Variants in PUDP observed in about 807,000 individuals in gnomAD.
The protein encoded by PUDP is pseudouridine 5'-phosphatase.
Under a neutral mutation model 9.4 loss-of-function variants are expected in PUDP, and 8 were observed. That is an observed-to-expected ratio of 0.85 (90% CI 0.50 to 1.53). PUDP has a LOEUF of 1.53. Among genes scored for constraint, PUDP ranks in the 40% most tolerant of loss-of-function variants. PUDP has a pLI of 0.00. For missense variants in PUDP, 188 were observed against 189.7 expected, an observed-to-expected ratio of 0.99 and a Z score of 0.05; for synonymous variants, 99 against 80.7, an observed-to-expected ratio of 1.23 and a Z score of -1.22.
intron 3 of PUDP, among the ~76,000 whole-genome samples, chrX:6,866,099 A>C (rs777945246): frequency 9.8e-4 from 107 of 109,479 alleles, no homozygotes; most frequent in Non-Finnish European, 1.4e-3. Context: ...TTTTCTTTTT[A>C]TTTTTGTAGA....
intron 1 of PUDP, among the ~76,000 whole-genome samples, chrX:6,978,414 C>T (rs1388403023): frequency 1.8e-5 from 2 of 111,852 alleles, no homozygotes; most frequent in Non-Finnish European, 1.9e-5. Flanking sequence ...ATTCATTTTT[C>T]CCTGTGCTGT....
intron 1 of PUDP, among the ~76,000 whole-genome samples, chrX:7,008,180 G>A (rs1008529456): frequency 4.5e-4 from 49 of 110,096 alleles, no homozygotes; most frequent in Non-Finnish European, 8.0e-4. Flanking sequence ...TAGCCAGGAT[G>A]GTCTCAATCT....
intron 3 of PUDP, among the ~76,000 whole-genome samples, chrX:6,934,394 C>T (rs1474510775): frequency 1.1e-4 from 12 of 107,250 alleles, no homozygotes; most frequent in African/African-American, 2.1e-4. Flanking sequence ...GCTTCATAAG[C>T]GAAGGAGAAA....
chrX:7,141,842 C>G (rs1170590047), intron 1 of PUDP, among the ~76,000 whole-genome samples: 1 of 112,381 alleles, frequency 8.9e-6, no homozygotes. Flanking sequence ...TCCTAGTGCT[C>G]TTAAAAATGA....
chrX:6,922,373 A>T, intron 3 of PUDP, among the ~76,000 whole-genome samples: 1 of 111,607 alleles, frequency 9.0e-6, no homozygotes, highest in Admixed American at 9.5e-5. Context: ...TACAACATAT[A>T]TGCATCCACT....
intron 1 of PUDP, among the ~76,000 whole-genome samples, chrX:7,000,338 T>C (rs1365842735): frequency 1.8e-5 from 2 of 111,054 alleles, no homozygotes; most frequent in Admixed American, 1.9e-4. Flanking sequence ...CAAACAAACA[T>C]AAACTGAGTC....
At chrX:6,937,434 G>C (rs1292603943) in intron 3 of PUDP, among the ~76,000 whole-genome samples, 7 of 106,297 alleles carry the variant, frequency 6.6e-5, no homozygotes, top group African/African-American at 2.0e-4. Context: ...GCCATATGTA[G>C]AAAGCTGAAA....
intron 3 of PUDP, among the ~76,000 whole-genome samples, chrX:6,822,532 T>C (rs1313211347): frequency 8.9e-6 from 1 of 111,885 alleles, no homozygotes; most frequent in Non-Finnish European, 1.9e-5. Flanking sequence ...GTTCAAGCTA[T>C]TCTTCTGCCT....
At chrX:6,747,799 A>C (rs1925018410) in intron 3 of PUDP, among the ~76,000 whole-genome samples, 1 of 108,373 alleles carries the variant, frequency 9.2e-6, no homozygotes, top group Non-Finnish European at 1.9e-5. Flanking sequence ...TTTTCTCAGT[A>C]ATTGTCCAGA....
intron 2 of PUDP, among the ~76,000 whole-genome samples, chrX:7,097,755 C>G (rs1409852977): frequency 9.0e-6 from 1 of 111,323 alleles, no homozygotes; most frequent in Non-Finnish European, 1.9e-5. Flanking sequence ...TGCCTTCCTG[C>G]CAGATGCTCC....
intron 2 of PUDP, among the ~76,000 whole-genome samples, chrX:7,097,143 T>A (rs1474792789): frequency 8.9e-6 from 1 of 111,822 alleles, no homozygotes; most frequent in Non-Finnish European, 1.9e-5. Context: ...CCATCTCTTC[T>A]AGGCTGCAGG....
chrX:7,098,365 G>A (rs1230202059), intron 2 of PUDP, among the ~76,000 whole-genome samples: 1 of 111,688 alleles, frequency 9.0e-6, no homozygotes, highest in Non-Finnish European at 1.9e-5. Flanking sequence ...GAGGAATGCT[G>A]TATCCTCAGG....
chrX:6,996,204 C>T (rs1482142030), intron 1 of PUDP, among the ~76,000 whole-genome samples: 1 of 112,162 alleles, frequency 8.9e-6, no homozygotes, highest in African/African-American at 3.2e-5. Context: ...CTTTTGCACA[C>T]ATTTGTGTTT....
intron 3 of PUDP, among the ~76,000 whole-genome samples, chrX:6,855,987 TG>T (rs1308879537): frequency 2.7e-5 from 3 of 111,020 alleles, no homozygotes; most frequent in Non-Finnish European, 5.7e-5. Context: ...GGCTAGCAGT[TG>T]GGGGGTGAGC....
intron 3 of PUDP, among the ~76,000 whole-genome samples, chrX:6,773,481 G>A (rs779967029): frequency 1.3e-4 from 15 of 111,799 alleles, no homozygotes; most frequent in South Asian, 3.8e-4. Context: ...ACTAGAGTCC[G>A]TCAGGGTCAT....
chrX:7,116,595 T>C (rs189003643), intron 1 of PUDP, among the ~76,000 whole-genome samples: 1 of 111,893 alleles, frequency 8.9e-6, no homozygotes, highest in African/African-American at 3.2e-5. Context: ...CCTTACCACA[T>C]GCCCTTGCCC....
rs1165718590 is a variant in PUDP at position 6,720,240 on chromosome X, A to ATG, written n.128+1175_128+1176dup. On this transcript the variant is annotated intron_variant and non_coding_transcript_variant, in intron 1 of 2. Coordinates refer to the PUDP transcript ENST00000438499. ...TATATGTGTATATATGTGTGTATATATGTATGTGTGTGTGTGTGTATATAT... is the reference window on the plus strand; with the variant it reads ...TATATGTGTATATATGTGTGTATATATGTGTATGTGTGTGTGTGTGTATATAT... Among the ~76,000 whole-genome samples the ATG allele has an allele frequency of 6.5e-3, 360 of 55,598 alleles. 3 individuals are homozygous for ATG. The highest frequency in any genetic ancestry group is 0.026 in the African/African-American group (339 of 12,997). The allele number at this position is 55,598 out of a possible 115,157, so 48.3% of individuals were successfully genotyped here. A position where few individuals can be genotyped will look rare whatever the true frequency, so the allele number is the denominator to read the frequency against.
chrX:6,988,147 G>A (rs1329463370), intron 1 of PUDP, among the ~76,000 whole-genome samples: 3 of 112,117 alleles, frequency 2.7e-5, no homozygotes, highest in Non-Finnish European at 5.6e-5. Context: ...GCCATCTGCA[G>A]TGGAACCACC....
chrX:6,848,639 T>G (rs1270844087), intron 3 of PUDP, among the ~76,000 whole-genome samples: 2 of 111,923 alleles, frequency 1.8e-5, no homozygotes, highest in Non-Finnish European at 3.8e-5. Flanking sequence ...GTCCCGGAGG[T>G]GGGGCTTGGT....
Sources: allele counts gnomAD v4.1 joint callset (sites outside exome capture counted in the v4.1 genomes callset), GRCh38; gene constraint gnomAD v4.1.1; transcripts MANE v1.5; gene names NCBI Gene and HGNC (gene_info 2026-07-23, HGNC 2026-07-21).